The following SNX18 variants were observed in gnomAD, a reference collection of about 807,000 sequenced individuals.
SNX18 encodes the protein sorting nexin 18.
Under a neutral mutation model 48.7 loss-of-function variants are expected in SNX18, and 35 were observed. That is an observed-to-expected ratio of 0.72 (90% confidence interval 0.55 to 0.95). SNX18 has a LOEUF of 0.95. Among genes scored for constraint, SNX18 ranks in the 40% least tolerant of loss-of-function variants. The pLI is 0.00. For synonymous variants in SNX18, 492 were observed against 384.7 expected (o/e 1.28, Z -3.26); for missense variants, 824 against 871.0 (o/e 0.95, Z 0.68).
At chr5:54,592,320 T>G in the SNX18 span, among the ~76,000 whole-genome samples, 2 of 152,146 alleles carry the variant, frequency 1.3e-5, no homozygotes, top group Non-Finnish European at 2.9e-5. Flanking sequence ...GACACTCTTC[T>G]CAGATGGGTG....
At chr5:54,534,356 G>A (rs1762310989) in intron 1 of SNX18, among the ~76,000 whole-genome samples, 1 of 151,636 alleles carries the variant, frequency 6.6e-6, no homozygotes, top group Non-Finnish European at 1.5e-5. Context: ...AGATTGGATT[G>A]AGGAAAGGAA....
the SNX18 span, among the ~76,000 whole-genome samples, chr5:54,555,375 T>C: frequency 6.6e-6 from 1 of 151,398 alleles, no homozygotes. Flanking sequence ...CCGGCATACC[T>C]TTCTTTTTTT....
At chr5:54,553,944 A>G in the SNX18 span, among the ~76,000 whole-genome samples, 1 of 152,188 alleles carries the variant, frequency 6.6e-6, no homozygotes, top group Non-Finnish European at 1.5e-5. Flanking sequence ...GAATCAGCAA[A>G]CTTTAGCACA....
At chr5:54,584,041 T>C in the SNX18 span, among the ~76,000 whole-genome samples, 1 of 146,360 alleles carries the variant, frequency 6.8e-6, no homozygotes, top group Non-Finnish European at 1.5e-5. Context: ...TGCCAGTGTG[T>C]AGCTCTTTTT....
At chr5:54,623,909 C>G in the SNX18 span, among the ~76,000 whole-genome samples, 610 of 152,306 alleles carry the variant, frequency 4.0e-3, 6 homozygotes, top group African/African-American at 0.014. Context: ...GCATGTAGAA[C>G]TTTCTCCAAC....
downstream of SNX18, among the ~76,000 whole-genome samples, chr5:54,550,863 G>A (rs868469764): frequency 2.0e-5 from 3 of 152,190 alleles, no homozygotes; most frequent in African/African-American, 7.2e-5. Flanking sequence ...GGGATTACAG[G>A]TGTGAGTCAC....
chr5:54,574,489 C>T, the SNX18 span, among the ~76,000 whole-genome samples: 1 of 152,150 alleles, frequency 6.6e-6, no homozygotes, highest in Non-Finnish European at 1.5e-5. Context: ...CTATTATTGG[C>T]AAGGGAGGCT....
the SNX18 span, among the ~76,000 whole-genome samples, chr5:54,565,391 T>G: frequency 6.6e-6 from 1 of 151,910 alleles, no homozygotes; most frequent in African/African-American, 2.4e-5. Context: ...CTGGTCAACA[T>G]AGTGAGATCC....
intron 1 of SNX18, among the ~76,000 whole-genome samples, chr5:54,532,907 C>T (rs75357716): frequency 1.2e-3 from 183 of 152,244 alleles, no homozygotes; most frequent in African/African-American, 4.2e-3. Context: ...GGTATTTATA[C>T]GCAAGTGAAT....
At chr5:54,639,434 G>C in the SNX18 span, among the ~76,000 whole-genome samples, 19 of 152,150 alleles carry the variant, frequency 1.2e-4, no homozygotes, top group Non-Finnish European at 2.1e-4. Flanking sequence ...TGAACAGATG[G>C]ACAAATGAAC....
At chr5:54,569,134 C>T in the SNX18 span, among the ~76,000 whole-genome samples, 55 of 151,738 alleles carry the variant, frequency 3.6e-4, no homozygotes, top group Admixed American at 1.6e-3. Flanking sequence ...TGAGCCACCG[C>T]GCCCAACCAC....
At chr5:54,585,844 A>G in the SNX18 span, among the ~76,000 whole-genome samples, 1 of 152,008 alleles carries the variant, frequency 6.6e-6, no homozygotes. Context: ...TCTACTAAAA[A>G]TACAAAAAAA....
chr5:54,520,731 C>G (rs528233060), intron 1 of SNX18: 1 of 167,302 alleles, frequency 6.0e-6, no homozygotes, highest in East Asian at 1.9e-4. Context: ...AGACAGCAGT[C>G]TCGCTTCCTT....
At chr5:54,553,356 A>G in the SNX18 span, among the ~76,000 whole-genome samples, 11 of 152,054 alleles carry the variant, frequency 7.2e-5, no homozygotes, top group Admixed American at 2.6e-4. Context: ...GGTGGCCACC[A>G]TGTCCCCAGT....
chr5:54,519,832 C>G (rs1264861331), intron 1 of SNX18: 1 of 1,596,522 alleles, frequency 6.3e-7, no homozygotes, highest in Admixed American at 1.7e-5. Context: ...ACAGTGCTAT[C>G]ATTTTAGAGT....
the SNX18 span, among the ~76,000 whole-genome samples, chr5:54,646,665 TC>T: frequency 6.6e-6 from 1 of 152,184 alleles, no homozygotes; most frequent in African/African-American, 2.4e-5. Context: ...GGAAAAGCAC[TC>T]CCCAAATCTT....
intron 1 of SNX18, among the ~76,000 whole-genome samples, chr5:54,534,562 TTTTC>T (rs1437860552): frequency 1.3e-5 from 2 of 152,076 alleles, no homozygotes; most frequent in African/African-American, 4.8e-5. Context: ...GAGGGCTTTT[TTTTC>T]TTTCTTTCTT....
chr5:54,525,826 G>T (rs1477695491), intron 1 of SNX18, among the ~76,000 whole-genome samples: 1 of 152,132 alleles, frequency 6.6e-6, no homozygotes, highest in Admixed American at 6.5e-5. Context: ...CATTGTTTCA[G>T]GCTGATTTTA....
the SNX18 span, among the ~76,000 whole-genome samples, chr5:54,632,795 G>A: frequency 6.6e-6 from 1 of 151,528 alleles, no homozygotes; most frequent in Non-Finnish European, 1.5e-5. Context: ...TTTTTTTTGA[G>A]ATGGAGTCTT....
Sources: allele counts gnomAD v4.1 joint callset (sites outside exome capture counted in the v4.1 genomes callset), GRCh38; gene constraint gnomAD v4.1.1; transcripts MANE v1.5; gene names NCBI Gene and HGNC (gene_info 2026-07-23, HGNC 2026-07-21).